Variants in C12orf42 observed in about 807,000 individuals in gnomAD.
C12orf42 encodes uncharacterized protein C12orf42.
In C12orf42, 25 loss-of-function variants were observed where a neutral mutation model predicts 21.6. The observed-to-expected ratio is 1.16, with a 90% CI of 0.84 to 1.62. The LOEUF (loss-of-function observed/expected upper bound fraction) is 1.62. Ranked by LOEUF, C12orf42 falls within the 40% of genes most tolerant of loss-of-function variation. C12orf42 has a pLI of 0.00. For synonymous variants in C12orf42, 174 were observed against 175.0 expected (o/e 0.99, Z 0.05); for missense variants, 483 against 459.3 (o/e 1.05, Z -0.47).
chr12:103,051,591 A>G, the C12orf42 span, among the ~76,000 whole-genome samples: 1 of 152,228 alleles, frequency 6.6e-6, no homozygotes, highest in Non-Finnish European at 1.5e-5. Context: ...AAAGGAGAGC[A>G]GCCAAAACCA....
chr12:103,216,496 G>C, the C12orf42 span, among the ~76,000 whole-genome samples: 1 of 150,586 alleles, frequency 6.6e-6, no homozygotes, highest in Non-Finnish European at 1.5e-5. Context: ...TCAGCCTCCC[G>C]AGTAGCTGGG....
At chr12:103,218,118 A>G in the C12orf42 span, among the ~76,000 whole-genome samples, 4 of 152,058 alleles carry the variant, frequency 2.6e-5, no homozygotes, top group African/African-American at 9.7e-5. Flanking sequence ...CGTCTCTACT[A>G]AAAATACAAA....
At chr12:103,364,417 G>T (rs1014181814) in intron 4 of C12orf42, among the ~76,000 whole-genome samples, 2 of 151,520 alleles carry the variant, frequency 1.3e-5, no homozygotes, top group African/African-American at 2.4e-5. Flanking sequence ...GACAATCTAA[G>T]GTCACACCTC....
intron 2 of C12orf42, among the ~76,000 whole-genome samples, chr12:103,436,467 A>C (rs1156652923): frequency 6.6e-6 from 1 of 152,036 alleles, no homozygotes; most frequent in Non-Finnish European, 1.5e-5. Context: ...AAATTGGATA[A>C]AGAGTCAAGA....
chr12:103,061,924 T>G, the C12orf42 span, among the ~76,000 whole-genome samples: 1 of 151,918 alleles, frequency 6.6e-6, no homozygotes, highest in East Asian at 1.9e-4. Flanking sequence ...CTCATTCTTA[T>G]TTTCTTTTGA....
intron 10 of C12orf42, among the ~76,000 whole-genome samples, chr12:103,241,355 G>A (rs1448811228): frequency 1.3e-5 from 2 of 152,064 alleles, no homozygotes; most frequent in African/African-American, 2.4e-5. Context: ...GGCCTCTCTT[G>A]TTCAGAAAGC....
the C12orf42 span, among the ~76,000 whole-genome samples, chr12:103,545,404 A>G: frequency 2.0e-5 from 3 of 152,222 alleles, no homozygotes; most frequent in Non-Finnish European, 4.4e-5. Context: ...ATATATTTGT[A>G]TAAGTAGAAG....
the C12orf42 span, chr12:103,151,758 T>C: frequency 6.6e-6 from 1 of 152,192 alleles, no homozygotes; most frequent in Admixed American, 6.5e-5. Flanking sequence ...ATAAAGAATA[T>C]TATGTTAAGC....
At chr12:103,295,516 C>T (rs1377320960) in intron 4 of C12orf42, among the ~76,000 whole-genome samples, 1 of 152,018 alleles carries the variant, frequency 6.6e-6, no homozygotes, top group East Asian at 1.9e-4. Context: ...GTATGTCTCC[C>T]TGTGTTTCAC....
At chr12:103,489,051 T>G (rs1452398436) in intron 1 of C12orf42, among the ~76,000 whole-genome samples, 1 of 152,240 alleles carries the variant, frequency 6.6e-6, no homozygotes, top group Non-Finnish European at 1.5e-5. Context: ...ATTCTTAGCT[T>G]TTCTGCTCTG....
rs2048857909 is a variant in C12orf42 at position 103,411,674 on chromosome 12, T to C, written c.79-9999A>G. 2.0e-5 allele frequency among the ~76,000 whole-genome samples: 3 copies of C among 152,166 alleles called. No individual in the cohort carries two copies. The South Asian group carries it at 6.2e-4, about 32-fold the overall frequency. On this transcript the variant is annotated intron_variant, in intron 2 of 5. Coordinates refer to ENST00000548883, the MANE Select transcript of C12orf42 (RefSeq NM_198521.5). The stretch of plus-strand genomic sequence containing the variant: ...ATGGGAGGAACACAGAAAGAAGGCA[T>C]CTCTGAGGCAGAAAGCAAGCCCTCA...
chr12:103,358,439 A>G (rs1483727453), intron 4 of C12orf42, among the ~76,000 whole-genome samples: 3 of 152,192 alleles, frequency 2.0e-5, no homozygotes, highest in South Asian at 2.1e-4. Context: ...CAATTCATCC[A>G]AGTTAATCAA....
chr12:103,552,171 T>G, the C12orf42 span, among the ~76,000 whole-genome samples: 1 of 152,214 alleles, frequency 6.6e-6, no homozygotes, highest in Non-Finnish European at 1.5e-5. Flanking sequence ...ATTTGTTAGG[T>G]GACATGCTGT....
chr12:103,266,572 A>G (rs1041193374), downstream of C12orf42, among the ~76,000 whole-genome samples: 1 of 152,154 alleles, frequency 6.6e-6, no homozygotes, highest in African/African-American at 2.4e-5. Context: ...TGGTCGAGGT[A>G]GGCATGTGTA....
chr12:103,203,041 G>A, the C12orf42 span, among the ~76,000 whole-genome samples: 1 of 152,206 alleles, frequency 6.6e-6, no homozygotes, highest in African/African-American at 2.4e-5. Context: ...TTGAAGGGTA[G>A]TGGCAGCAAC....
chr12:103,460,247 T>C (rs1198585289), intron 2 of C12orf42, among the ~76,000 whole-genome samples: 1 of 148,462 alleles, frequency 6.7e-6, no homozygotes, highest in Non-Finnish European at 1.5e-5. Flanking sequence ...CTGGTGGACA[T>C]TCTCTTCCAA....
intron 4 of C12orf42, among the ~76,000 whole-genome samples, chr12:103,306,815 T>C (rs1476402977): frequency 1.3e-5 from 2 of 152,148 alleles, no homozygotes; most frequent in African/African-American, 2.4e-5. Flanking sequence ...CAAATTAAGA[T>C]GAAATCATTC....
chr12:103,259,884 AT>A (rs2034805101), intron 10 of C12orf42, among the ~76,000 whole-genome samples: 1 of 152,178 alleles, frequency 6.6e-6, no homozygotes, highest in Non-Finnish European at 1.5e-5. Context: ...GGCAGGTACA[AT>A]TCGTTTAATG....
At chr12:103,506,899 T>A in the C12orf42 span, among the ~76,000 whole-genome samples, 10 of 49,526 alleles carry the variant, frequency 2.0e-4, no homozygotes, top group Admixed American at 3.3e-4. Context: ...AATATATATT[T>A]ATATATTATA....
Sources: gnomAD v4.1 joint callset for allele counts (sites outside exome capture counted in the v4.1 genomes callset) on GRCh38, gnomAD v4.1.1 for gene constraint, MANE v1.5 for transcripts, NCBI Gene and HGNC (gene_info 2026-07-23, HGNC 2026-07-21) for gene names.